C3orf20: variants seen among roughly 807,000 people sequenced by gnomAD.
C3orf20 encodes uncharacterized protein C3orf20.
A neutral mutation model predicts 88.3 loss-of-function variants in C3orf20; 76 were observed. The ratio of observed to expected loss-of-function variants is 0.86; its 90% CI spans 0.72 to 1.04. C3orf20 has a LOEUF of 1.04. C3orf20 is among the 50% of genes least tolerant of loss of function. The pLI is 0.00. For synonymous variants in C3orf20, 436 were observed against 437.4 expected (o/e 1.00, Z 0.04); for missense variants, 1,056 against 1,123.3 (o/e 0.94, Z 0.86).
chr3:14,675,988 G>A (rs997415467), intron 1 of C3orf20, among the ~76,000 whole-genome samples: 26 of 152,168 alleles, frequency 1.7e-4, no homozygotes, highest in African/African-American at 4.6e-4. Flanking sequence ...CACTGCACCC[G>A]GCCCTCCACT....
At chr3:14,743,906 C>G (rs746579174) in intron 12 of C3orf20, among the ~76,000 whole-genome samples, 1 of 151,980 alleles carries the variant, frequency 6.6e-6, no homozygotes, top group African/African-American at 2.4e-5. Context: ...GCCCAGCCCA[C>G]GAAACCACTT....
rs144490240 is a variant in C3orf20, at chr3:14,758,597, C to G, written c.2244+923C>G. On this transcript the variant is annotated intron_variant, in intron 13 of 16. Transcript: ENST00000253697. ...ACTTCCTTCAAGCCCTGTTTGCCCTCCTGTCTCCTAGAATCCGCTGTCTTT... is the reference window on the plus strand; with the variant it reads ...ACTTCCTTCAAGCCCTGTTTGCCCTGCTGTCTCCTAGAATCCGCTGTCTTT... Among the ~76,000 whole-genome samples the G allele has an allele frequency of 3.9e-5, 6 of 152,330 alleles. No individual in the cohort carries two copies. In the East Asian group the frequency reaches 1.2e-3, roughly 29 times the overall value.
At chr3:14,698,527 A>T (rs990614456) in intron 5 of C3orf20, among the ~76,000 whole-genome samples, 1 of 152,370 alleles carries the variant, frequency 6.6e-6, no homozygotes, top group Non-Finnish European at 1.5e-5. Flanking sequence ...GCAGACTCAG[A>T]GAGGTACTGC....
At position 14,692,109 on chromosome 3, in the gene C3orf20, G is replaced by A. The variant is rs144523695; in HGVS notation, c.745+1993G>A. On this transcript the variant is annotated intron_variant, in intron 5 of 16. Transcript: ENST00000253697. ...TTATGGCTGACTAGTACTCCATTACGTGTATGTACCACACTTTCTTCATCC... is the reference window on the plus strand; with the variant it reads ...TTATGGCTGACTAGTACTCCATTACATGTATGTACCACACTTTCTTCATCC... 2.1e-4 allele frequency among the ~76,000 whole-genome samples: 32 copies of A among 152,232 alleles called. No individual in the cohort carries two copies. The East Asian group carries it at 5.6e-3, about 27-fold the overall frequency.
intron 12 of C3orf20, among the ~76,000 whole-genome samples, chr3:14,738,638 TTTTTTTTTTTTTTTGACAGAGTTTC>T (rs2034801341): frequency 7.6e-6 from 1 of 132,134 alleles, no homozygotes. Flanking sequence ...GCCTTTTTTT[TTTTTTTTTTTTTTTGACAGAGTTTC>T]TCTCTTGTTG....
chr3:14,714,513 C>T (rs1371069793), intron 8 of C3orf20, among the ~76,000 whole-genome samples: 3 of 152,162 alleles, frequency 2.0e-5, no homozygotes, highest in African/African-American at 7.2e-5. Context: ...GAGGCATGAA[C>T]ACACTACTTC....
intron 4 of C3orf20, among the ~76,000 whole-genome samples, chr3:14,688,360 TCTCTACTAAAAATACAAAAAAATTA>T: frequency 6.6e-6 from 1 of 151,014 alleles, no homozygotes; most frequent in Admixed American, 6.6e-5. Context: ...TGAAACCCTG[TCTCTACTAAAAATACAAAAAAATTA>T]GCCGGCCGTG....
rs553430030 is a variant in C3orf20 at position 14,759,363 on chromosome 3, G to A, written c.2245-528G>A. ...ATCCAGAAAGAAGGAGGGGAGAGAG[G>A]CCAGCTTTCCTCTGAATTGCCCACA... On this transcript the variant is annotated intron_variant, in intron 13 of 16. Transcript: ENST00000253697. 3.3e-5 allele frequency among the ~76,000 whole-genome samples: 5 copies of A among 152,170 alleles called. No homozygotes were observed. The South Asian group carries it at 1.0e-3, about 32-fold the overall frequency.
rs184875740 is a variant in C3orf20 at position 14,770,275 on chromosome 3, G to A, written c.2496-1792G>A. On this transcript the variant is annotated intron_variant, in intron 15 of 16. Transcript: ENST00000253697. ...CCTTGTGAGGCCGGATTGGAGGTAAGGGGCTGCAAAGAGGCGTTAATTTGC... is the reference window on the plus strand; with the variant it reads ...CCTTGTGAGGCCGGATTGGAGGTAAAGGGCTGCAAAGAGGCGTTAATTTGC... Among the ~76,000 whole-genome samples the A allele has an allele frequency of 7.2e-4, 110 of 152,322 alleles. 2 individuals are homozygous for A. The East Asian group carries it at 0.017, about 23-fold the overall frequency.
rs763986141 is a variant in C3orf20, at chr3:14,728,705, A to G, written c.1940+17A>G. 1 of 1,611,048 alleles carries G rather than the reference A, an allele frequency of 6.2e-7. No individual in the cohort carries two copies. The highest frequency in any genetic ancestry group is 8.5e-7 in the Non-Finnish European group (1 of 1,179,050). ...CACATCCAGGTTGGCTTGGTCCTTC[A>G]CGTCTTCCGCAGCATCGGGTGTTGT... On this transcript the variant is annotated intron_variant, in intron 12 of 16. Transcript: ENST00000253697.
chr3:14,765,948 T>C (rs993403846), intron 15 of C3orf20, among the ~76,000 whole-genome samples: 6 of 152,214 alleles, frequency 3.9e-5, no homozygotes, highest in Admixed American at 2.6e-4. Context: ...AGCTGTCACC[T>C]GGCAGGTAGA....
chr3:14,710,171 CATT>C (rs2033683901), intron 7 of C3orf20, among the ~76,000 whole-genome samples: 1 of 151,536 alleles, frequency 6.6e-6, no homozygotes, highest in Middle Eastern at 3.4e-3. Flanking sequence ...ATTATTGTAT[CATT>C]GTCTTAGGAT....
At chr3:14,771,155 C>A (rs6762548) in intron 15 of C3orf20, among the ~76,000 whole-genome samples, 1,900 of 152,264 alleles carry the variant, frequency 0.012, 36 homozygotes, top group African/African-American at 0.043. Flanking sequence ...CCAGAAGGAC[C>A]CTCGCCCCTT....
At chr3:14,684,106 GC>G in intron 3 of C3orf20, 135 bp from the exon 4 acceptor site, 1 of 1,170,784 alleles carries the variant, frequency 8.5e-7, no homozygotes, top group Non-Finnish European at 1.2e-6. Flanking sequence ...TTTCACAGTA[GC>G]CCCCTCACCC....
intron 13 of C3orf20, among the ~76,000 whole-genome samples, chr3:14,758,465 G>T (rs1383931676): frequency 6.6e-6 from 1 of 152,180 alleles, no homozygotes; most frequent in Non-Finnish European, 1.5e-5. Context: ...CTCCAAGCAT[G>T]CAGTCATTCC....
intron 12 of C3orf20, among the ~76,000 whole-genome samples, chr3:14,747,840 A>G (rs1279583132): frequency 2.0e-5 from 3 of 151,922 alleles, no homozygotes; most frequent in Admixed American, 2.0e-4. Context: ...TATTATATAT[A>G]TATGATATAT....
Position 14,703,178 on chromosome 3 carries a change from G to C in C3orf20, c.794G>C (p.Gly265Ala). 2 of 1,614,220 alleles carry C rather than the reference G, an allele frequency of 1.2e-6. No homozygotes were observed. Reference protein sequence around the residue: ...EDVSMPPLHRGVGTPANSLEF... With the variant: ...EDVSMPPLHRAVGTPANSLEF... ...GTCAGCATGCCGCCCCTGCATCGAGGAGTGGGAACCCCTGCCAACAGCCTG... is the reference window on the plus strand; with the variant it reads ...GTCAGCATGCCGCCCCTGCATCGAGCAGTGGGAACCCCTGCCAACAGCCTG... The change falls in exon 6 of 17, where the codon GGA becomes GCA. Residue 265 changes from glycine (G) to alanine (A), a missense_variant. By Grantham distance (60) the Gly-to-Ala change is moderately conservative (BLOSUM62 0). Transcript: ENST00000253697.
At chr3:14,722,537 C>T (rs775587286) in intron 10 of C3orf20, 5 of 456,712 alleles carry the variant, frequency 1.1e-5, no homozygotes, top group South Asian at 7.7e-5. Flanking sequence ...ATGTTGATGA[C>T]CCTCTCTCTA....
At chr3:14,725,430 C>T (rs2034312588) in intron 10 of C3orf20, among the ~76,000 whole-genome samples, 1 of 152,154 alleles carries the variant, frequency 6.6e-6, no homozygotes, top group Admixed American at 6.5e-5. Context: ...TTTTACAGCC[C>T]TGAGGCCTGG....
Sources: allele counts gnomAD v4.1 joint callset (sites outside exome capture counted in the v4.1 genomes callset), GRCh38; gene constraint gnomAD v4.1.1; transcripts MANE v1.5; gene names NCBI Gene and HGNC (gene_info 2026-07-23, HGNC 2026-07-21).